Variants in TICAM2 observed in about 807,000 individuals in gnomAD.
The protein encoded by TICAM2 is TIR domain-containing adapter molecule 2.
Under a neutral mutation model 7.3 loss-of-function variants are expected in TICAM2, and 8 were observed. That is an observed-to-expected ratio of 1.10 (90% CI 0.65 to 1.99). The LOEUF is 1.99. TICAM2 is among the 30% of genes most tolerant of loss of function. The pLI, the probability that TICAM2 is intolerant of heterozygous loss-of-function variation, is 0.00. For synonymous variants in TICAM2, 113 were observed against 99.6 expected (o/e 1.13, Z -0.80); for missense variants, 304 against 278.8 (o/e 1.09, Z -0.65).
At chr5:115,593,650 T>C (rs981920224) in intron 1 of TICAM2, among the ~76,000 whole-genome samples, 1 of 152,214 alleles carries the variant, frequency 6.6e-6, no homozygotes, top group Non-Finnish European at 1.5e-5. Flanking sequence ...AACAAGACTT[T>C]TTTTGGTTGG....
chr5:115,590,402 TTATC>T (rs1321714472), intron 1 of TICAM2, among the ~76,000 whole-genome samples: 1 of 152,154 alleles, frequency 6.6e-6, no homozygotes, highest in African/African-American at 2.4e-5. Context: ...AAAAGGACCA[TTATC>T]TAACTATGAA....
chr5:115,578,919 C>G lies in TICAM2; in HGVS notation c.*1630G>C, dbSNP rs767144013. ...AGTACTAACAGAATAGGAGGCTTGA[C>G]TTACTTGCATGCTCCTCATAGAACG... On this transcript the variant is annotated 3_prime_UTR_variant, in exon 2 of 2. Coordinates refer to ENST00000427199, the MANE Select transcript of TICAM2 (RefSeq NM_021649.7). The G allele has an allele frequency of 1.3e-5, 2 of 152,614 alleles. No individual in the cohort carries two copies. Among genetic ancestry groups the G allele is most frequent in the Non-Finnish European group, 2.9e-5 (2 of 68,034 alleles). 9.5% of individuals were successfully genotyped at this position (152,614 alleles called of 1,614,324 possible).
chr5:115,596,571 A>G (rs1755518570), intron 1 of TICAM2, among the ~76,000 whole-genome samples: 4 of 152,150 alleles, frequency 2.6e-5, no homozygotes, highest in Admixed American at 6.5e-5. Flanking sequence ...CATGAAGGAA[A>G]GGTTCTTAAA....
chr5:115,590,474 G>T (rs1230726990), intron 1 of TICAM2, among the ~76,000 whole-genome samples: 1 of 152,144 alleles, frequency 6.6e-6, no homozygotes, highest in African/African-American at 2.4e-5. Flanking sequence ...AGAAATTTCT[G>T]TACAAGTTGG....
chr5:115,587,456 T>C (rs540913970), intron 1 of TICAM2, among the ~76,000 whole-genome samples: 36 of 152,188 alleles, frequency 2.4e-4, no homozygotes, highest in Non-Finnish European at 5.0e-4. Context: ...AGTTTAGGTT[T>C]GTAAAGAAAC....
chr5:115,591,433 C>G (rs1755298516), intron 1 of TICAM2, among the ~76,000 whole-genome samples: 1 of 152,150 alleles, frequency 6.6e-6, no homozygotes, highest in Non-Finnish European at 1.5e-5. Context: ...AAATTAAATC[C>G]TCTCTGGAAG....
chr5:115,582,965 G>C (rs144961343), intron 1 of TICAM2, among the ~76,000 whole-genome samples: 21 of 152,144 alleles, frequency 1.4e-4, no homozygotes, highest in African/African-American at 4.8e-4. Flanking sequence ...TGACCACTCC[G>C]TCATTCACTC....
intron 1 of TICAM2, among the ~76,000 whole-genome samples, chr5:115,596,688 G>C (rs1755523720): frequency 6.6e-6 from 1 of 152,204 alleles, no homozygotes; most frequent in Admixed American, 6.5e-5. Context: ...GGGAGGCCAA[G>C]GTGGGTGGAT....
intron 1 of TICAM2, among the ~76,000 whole-genome samples, chr5:115,590,940 T>G (rs1755278844): frequency 6.6e-6 from 1 of 152,226 alleles, no homozygotes; most frequent in Non-Finnish European, 1.5e-5. Flanking sequence ...CTTTACTAAA[T>G]GCTCTTTCTT....
chr5:115,597,202 A>C (rs1280730256), intron 1 of TICAM2, among the ~76,000 whole-genome samples: 2 of 152,208 alleles, frequency 1.3e-5, no homozygotes, highest in Non-Finnish European at 2.9e-5. Context: ...TTCTGAATAA[A>C]TATTACTTTC....
chr5:115,580,461 T>C lies in TICAM2; in HGVS notation c.*88A>G. On this transcript the variant is annotated 3_prime_UTR_variant, in exon 2 of 2. Transcript: ENST00000427199. ...TTTAAGGTGAAGACTCTCTTTTATTTAAACATTTCCTAGAAACTGCTTTCT... is the reference window on the plus strand; with the variant it reads ...TTTAAGGTGAAGACTCTCTTTTATTCAAACATTTCCTAGAAACTGCTTTCT... 7.1e-7 allele frequency: 1 copy of C among 1,408,626 alleles called. No homozygotes were observed. Among genetic ancestry groups the C allele is most frequent in the South Asian group, 1.6e-5 (1 of 60,950 alleles). The allele number at this position is 1,408,626 out of a possible 1,614,324, so 87.3% of individuals were successfully genotyped here.
chr5:115,598,758 G>C (rs898647698), intron 1 of TICAM2, among the ~76,000 whole-genome samples: 2 of 151,954 alleles, frequency 1.3e-5, no homozygotes, highest in Non-Finnish European at 2.9e-5. Flanking sequence ...TCTGAAATAA[G>C]AAGGAATTTT....
chr5:115,585,058 G>A (rs1755054537), intron 1 of TICAM2, among the ~76,000 whole-genome samples: 1 of 152,164 alleles, frequency 6.6e-6, no homozygotes, highest in Admixed American at 6.5e-5. Flanking sequence ...GACTGCCTGA[G>A]TGTAAATCTC....
rs187366203 is a variant in TICAM2 at position 115,578,598 on chromosome 5, A to G, written c.*1951T>C. ...ACAAATCGATGCTTCATTTCAAAAC[A>G]CTCTTCCACAATCTTCATTGGAGTT... On this transcript the variant is annotated 3_prime_UTR_variant, in exon 2 of 2. Coordinates refer to ENST00000427199, the MANE Select transcript of TICAM2 (RefSeq NM_021649.7). 1 of 151,986 alleles carries G rather than the reference A, an allele frequency of 6.6e-6. No homozygotes were observed. The highest frequency in any genetic ancestry group is 1.5e-5 in the Non-Finnish European group (1 of 67,982). 9.4% of individuals were successfully genotyped at this position (151,986 alleles called of 1,614,324 possible). A position where few individuals can be genotyped will look rare whatever the true frequency, so the allele number is the denominator to read the frequency against.
chr5:115,591,406 G>C (rs1755296891), intron 1 of TICAM2, among the ~76,000 whole-genome samples: 1 of 152,148 alleles, frequency 6.6e-6, no homozygotes, highest in Admixed American at 6.5e-5. Flanking sequence ...GTGCTGCCAG[G>C]AACCCGGCAC....
Position 115,599,794 on chromosome 5 carries a change from C to G in TICAM2, c.-60+2303G>C, listed in dbSNP as rs113350304. The stretch of plus-strand genomic sequence containing the variant: ...GAAGTCAGGAGATGAGTTCAGAGAA[C>G]TAGTCAGGGACTAGATCACACAGGG... On this transcript the variant is annotated intron_variant, in intron 1 of 1. Coordinates refer to ENST00000427199, the MANE Select transcript of TICAM2 (RefSeq NM_021649.7). 8.8e-3 allele frequency among the ~76,000 whole-genome samples: 1,338 copies of G among 152,018 alleles called. 15 individuals carry two copies. The highest frequency in any genetic ancestry group is 0.031 in the African/African-American group (1,274 of 41,474).
intron 1 of TICAM2, among the ~76,000 whole-genome samples, chr5:115,595,078 A>G (rs1342284654): frequency 6.6e-6 from 1 of 152,180 alleles, no homozygotes; most frequent in African/African-American, 2.4e-5. Context: ...TAGATATCAA[A>G]CTGGGCTTGG....
At chr5:115,595,240 T>C (rs1265634401) in intron 1 of TICAM2, among the ~76,000 whole-genome samples, 2 of 152,260 alleles carry the variant, frequency 1.3e-5, no homozygotes, top group South Asian at 2.1e-4. Flanking sequence ...CAATCTTTCC[T>C]CCTCAATCTT....
At chr5:115,582,411 A>C (rs559317725) in intron 1 of TICAM2, among the ~76,000 whole-genome samples, 67 of 149,358 alleles carry the variant, frequency 4.5e-4, no homozygotes, top group African/African-American at 1.6e-3. Flanking sequence ...GGGCTCAAGC[A>C]ATCCTCCCGC....
Sources: allele counts gnomAD v4.1 joint callset (sites outside exome capture counted in the v4.1 genomes callset), GRCh38; gene constraint gnomAD v4.1.1; transcripts MANE v1.5; gene names NCBI Gene and HGNC (gene_info 2026-07-23, HGNC 2026-07-21).